Variants in IKZF1 observed in about 807,000 individuals in gnomAD.
The protein encoded by IKZF1 is DNA-binding protein Ikaros.
IKZF1 carries 10 observed loss-of-function variants against 51.7 expected under a neutral mutation model. The ratio of observed to expected loss-of-function variants is 0.19; its 90% CI spans 0.12 to 0.33. IKZF1 has a LOEUF of 0.33. Ranked by LOEUF, IKZF1 falls within the 10% of genes least tolerant of loss-of-function variation. The pLI is 1.00. For synonymous variants in IKZF1, 280 were observed against 282.3 expected (o/e 0.99, Z 0.08); for missense variants, 484 against 707.5 (o/e 0.68, Z 3.58).
intron 3 of IKZF1, among the ~76,000 whole-genome samples, chr7:50,369,916 AATG>A (rs1347783801): frequency 1.3e-5 from 2 of 152,186 alleles, no homozygotes; most frequent in Non-Finnish European, 2.9e-5. Flanking sequence ...CTACATTTTA[AATG>A]ATATTAAGTT....
intron 3 of IKZF1, among the ~76,000 whole-genome samples, chr7:50,363,361 A>G (rs1332250349): frequency 6.6e-6 from 1 of 152,172 alleles, no homozygotes; most frequent in Admixed American, 6.5e-5. Flanking sequence ...CATGGCCTGC[A>G]TGGTGTGACC....
chr7:50,320,854 A>G (rs1362897067), intron 2 of IKZF1, among the ~76,000 whole-genome samples: 2 of 152,230 alleles, frequency 1.3e-5, no homozygotes, highest in African/African-American at 4.8e-5. Flanking sequence ...AAGTGCACAG[A>G]GCATTTAAGC....
chr7:50,400,408 C>T lies in IKZF1; in HGVS notation c.1341C>T (p.Asp447=), dbSNP rs143013761. 3.1e-6 allele frequency: 5 copies of T among 1,613,730 alleles called. No individual in the cohort carries two copies. Among genetic ancestry groups the T allele is most frequent in the Non-Finnish European group, 4.2e-6 (5 of 1,179,810 alleles). Reference sequence around the variant, plus strand: ...GCGCCGCCTCCGAGAACTCGCAGGACGCGCTCCGCGTGGTCAGCACCAGCG... The same window carrying T: ...GCGCCGCCTCCGAGAACTCGCAGGATGCGCTCCGCGTGGTCAGCACCAGCG... The part of the protein sequence containing the change: ...LLRAASENSQ[D]ALRVVSTSGE... The change falls in exon 8 of 8, where the codon GAC becomes GAT. Residue 447 remains aspartate, a synonymous_variant. Transcript: ENST00000331340. The surrounding 1 kb of genome is among the most constrained non-coding windows in gnomAD (Gnocchi z 5.4).
At chr7:50,397,779 C>G (rs1362809890) in intron 7 of IKZF1, among the ~76,000 whole-genome samples, 2 of 152,186 alleles carry the variant, frequency 1.3e-5, no homozygotes, top group African/African-American at 4.8e-5. Context: ...GAGAGAAACA[C>G]CACTTCTTTG....
At chr7:50,384,299 A>G (rs141270828) in intron 5 of IKZF1, among the ~76,000 whole-genome samples, 1 of 152,264 alleles carries the variant, frequency 6.6e-6, no homozygotes, top group African/African-American at 2.4e-5. Flanking sequence ...AAAGGAGAGG[A>G]GTCACAGGGG....
intron 1 of IKZF1, among the ~76,000 whole-genome samples, chr7:50,316,686 GA>G (rs1289128512): frequency 1.3e-5 from 2 of 152,218 alleles, no homozygotes; most frequent in Admixed American, 6.5e-5. Context: ...ATTCCGGCTT[GA>G]AACTGTTCTC....
intron 3 of IKZF1, among the ~76,000 whole-genome samples, chr7:50,340,796 A>G (rs1798892723): frequency 6.6e-6 from 1 of 152,208 alleles, no homozygotes; most frequent in Non-Finnish European, 1.5e-5. Flanking sequence ...TCTTAGTGTT[A>G]TGGTGCAAGT....
intron 3 of IKZF1, among the ~76,000 whole-genome samples, chr7:50,335,334 T>C (rs1411931840): frequency 6.8e-6 from 1 of 146,824 alleles, no homozygotes; most frequent in East Asian, 2.1e-4. Context: ...TATGTGTGTA[T>C]GGGAGGTGTG....
At chr7:50,341,053 T>C (rs1798948898) in intron 3 of IKZF1, among the ~76,000 whole-genome samples, 1 of 152,226 alleles carries the variant, frequency 6.6e-6, no homozygotes, top group South Asian at 2.1e-4. Flanking sequence ...TCAATAACCA[T>C]GTTTTATTAT....
At chr7:50,349,611 G>A (rs1236572572) in intron 3 of IKZF1, among the ~76,000 whole-genome samples, 6 of 152,118 alleles carry the variant, frequency 3.9e-5, no homozygotes, top group African/African-American at 1.4e-4. Flanking sequence ...CTGGCAGCAG[G>A]GAGGTCTTCC....
Position 50,391,738 on chromosome 7 carries a change from A to C in IKZF1, c.725A>C (p.Glu242Ala), listed in dbSNP as rs1263654485. 1.2e-6 allele frequency: 2 copies of C among 1,613,994 alleles called. No individual in the cohort carries two copies. ...CTGTCTTTGACTTTAGTCATTAAAG[A>C]AGAAACTAATCACAGTGAAATGGCA... ...LPGTLYPVIK[E>A]ETNHSEMAED... The change falls in exon 7 of 8, where the codon GAA becomes GCA. Residue 242 changes from glutamate (E) to alanine (A), a missense_variant. Physicochemically the swap from Glu to Ala is moderately radical, Grantham distance 107. This residue lies in a region of IKZF1 where 172 missense variants were observed against 192.7 expected (regional missense o/e 0.89). Transcript: ENST00000331340.
At chr7:50,385,193 A>G (rs1813003224) in intron 5 of IKZF1, among the ~76,000 whole-genome samples, 1 of 152,354 alleles carries the variant, frequency 6.6e-6, no homozygotes, top group Non-Finnish European at 1.5e-5. Flanking sequence ...TGTCTGTCCG[A>G]AAATGCTATA....
At chr7:50,359,642 A>G (rs1804622042) in intron 3 of IKZF1, among the ~76,000 whole-genome samples, 1 of 152,262 alleles carries the variant, frequency 6.6e-6, no homozygotes, top group Non-Finnish European at 1.5e-5. Context: ...GCACATGTAC[A>G]TACACATGTA....
chr7:50,309,394 T>C (rs1013511910), intron 1 of IKZF1, among the ~76,000 whole-genome samples: 3 of 152,168 alleles, frequency 2.0e-5, no homozygotes, highest in Admixed American at 1.3e-4. Flanking sequence ...TTCTTCGTTT[T>C]TTCCTCCCTT....
At chr7:50,356,599 G>A (rs1045028448) in intron 3 of IKZF1, among the ~76,000 whole-genome samples, 7 of 152,170 alleles carry the variant, frequency 4.6e-5, no homozygotes, top group Non-Finnish European at 1.0e-4. Flanking sequence ...GTGTGTGTGC[G>A]CACGCACTCT....
intron 3 of IKZF1, among the ~76,000 whole-genome samples, chr7:50,332,441 C>T (rs1331408185): frequency 7.9e-5 from 12 of 152,122 alleles, no homozygotes; most frequent in Admixed American, 7.9e-4. Flanking sequence ...GGGCATTCCT[C>T]CCCCATGAAA....
intron 3 of IKZF1, among the ~76,000 whole-genome samples, chr7:50,351,365 A>T (rs1314193433): frequency 6.6e-6 from 1 of 152,186 alleles, no homozygotes; most frequent in Non-Finnish European, 1.5e-5. Context: ...ATTTCATTTC[A>T]TCATTTCCCA....
At chr7:50,354,205 G>A (rs913248929) in intron 3 of IKZF1, among the ~76,000 whole-genome samples, 2 of 152,232 alleles carry the variant, frequency 1.3e-5, no homozygotes, top group African/African-American at 4.8e-5. Flanking sequence ...CACAGGTGCT[G>A]TGAGCAGCTG....
chr7:50,360,671 A>G (rs1804924021), intron 3 of IKZF1, among the ~76,000 whole-genome samples: 1 of 152,260 alleles, frequency 6.6e-6, no homozygotes, highest in Admixed American at 6.5e-5. Flanking sequence ...AGCACATGCT[A>G]AACAGTTGAT....
Sources: allele counts gnomAD v4.1 joint callset (sites outside exome capture counted in the v4.1 genomes callset), GRCh38; gene constraint gnomAD v4.1.1; regional missense constraint gnomAD v4.1.1; non-coding constraint Gnocchi (gnomAD v3.1); transcripts MANE v1.5; gene names NCBI Gene and HGNC (gene_info 2026-07-23, HGNC 2026-07-21).